Variants in CDKAL1 observed in about 807,000 individuals in gnomAD.
CDKAL1 encodes the protein threonylcarbamoyladenosine tRNA methylthiotransferase.
CDKAL1 carries 32 observed loss-of-function variants against 68.2 expected under a neutral mutation model. The ratio of observed to expected loss-of-function variants is 0.47; its 90% CI spans 0.35 to 0.63. The LOEUF (loss-of-function observed/expected upper bound fraction) is 0.63. Ranked by LOEUF, CDKAL1 falls within the 30% of genes least tolerant of loss-of-function variation. The pLI is 0.00. For synonymous variants in CDKAL1, 234 were observed against 244.3 expected (o/e 0.96, Z 0.39); for missense variants, 606 against 696.7 (o/e 0.87, Z 1.47).
chr6:20,544,964 T>TG (rs1175615415), intron 2 of CDKAL1, among the ~76,000 whole-genome samples: 6 of 97,344 alleles, frequency 6.2e-5, no homozygotes, highest in African/African-American at 4.1e-4. Context: ...GGATTACAGT[T>TG]TTGTGTGTGT....
intron 9 of CDKAL1, among the ~76,000 whole-genome samples, chr6:20,908,260 T>C (rs1438561169): frequency 1.3e-5 from 2 of 152,188 alleles, no homozygotes; most frequent in African/African-American, 2.4e-5. Flanking sequence ...TATTTTTCAC[T>C]AGAAGGTAAA....
intron 10 of CDKAL1, among the ~76,000 whole-genome samples, chr6:20,958,899 GA>G (rs1480300380): frequency 6.6e-6 from 1 of 151,064 alleles, no homozygotes; most frequent in African/African-American, 2.4e-5. Flanking sequence ...CAACTTAAAA[GA>G]AAAAAAACCA....
intron 8 of CDKAL1, among the ~76,000 whole-genome samples, chr6:20,841,114 C>T (rs1354715051): frequency 2.0e-5 from 3 of 152,222 alleles, no homozygotes; most frequent in Middle Eastern, 3.4e-3. Flanking sequence ...GGATCACAGG[C>T]GTGAGCCACC....
At chr6:20,923,559 C>G (rs563100793) in intron 9 of CDKAL1, among the ~76,000 whole-genome samples, 21 of 152,298 alleles carry the variant, frequency 1.4e-4, no homozygotes, top group African/African-American at 4.1e-4. Context: ...TGTGTTCTGA[C>G]TGTTCCCCCA....
chr6:20,791,691 T>C (rs1775905348), intron 8 of CDKAL1, among the ~76,000 whole-genome samples: 1 of 152,202 alleles, frequency 6.6e-6, no homozygotes. Context: ...CTATGTTGTA[T>C]TGTCAGATGA....
At chr6:20,997,029 C>T (rs555192289) in intron 10 of CDKAL1, among the ~76,000 whole-genome samples, 2 of 152,268 alleles carry the variant, frequency 1.3e-5, no homozygotes, top group African/African-American at 2.4e-5. Flanking sequence ...CACCTCTTTT[C>T]GTGTATGTTG....
intron 4 of CDKAL1, among the ~76,000 whole-genome samples, chr6:20,554,535 G>T (rs936434000): frequency 6.6e-6 from 1 of 152,182 alleles, no homozygotes; most frequent in Non-Finnish European, 1.5e-5. Flanking sequence ...TATGTGCTAT[G>T]ATGTTGCACA....
intron 4 of CDKAL1, among the ~76,000 whole-genome samples, chr6:20,648,403 C>T (rs34638218): frequency 6.6e-6 from 1 of 152,088 alleles, no homozygotes; most frequent in Non-Finnish European, 1.5e-5. Context: ...GCTGGGATTA[C>T]GGGAGTGAGC....
At chr6:21,045,134 C>G (rs1295805428) in intron 11 of CDKAL1, among the ~76,000 whole-genome samples, 1 of 152,188 alleles carries the variant, frequency 6.6e-6, no homozygotes, top group Non-Finnish European at 1.5e-5. Context: ...CACCATCATT[C>G]AAACCATAGC....
At chr6:20,602,567 T>C (rs1766150114) in intron 4 of CDKAL1, among the ~76,000 whole-genome samples, 1 of 152,212 alleles carries the variant, frequency 6.6e-6, no homozygotes, top group Non-Finnish European at 1.5e-5. Flanking sequence ...TTATCAACCA[T>C]CCTGAAAATG....
At chr6:21,137,531 T>C (rs930551302) in intron 13 of CDKAL1, among the ~76,000 whole-genome samples, 10 of 152,224 alleles carry the variant, frequency 6.6e-5, no homozygotes, top group African/African-American at 2.4e-4. Flanking sequence ...ATGTGAGATA[T>C]TTTTTATCTT....
intron 11 of CDKAL1, among the ~76,000 whole-genome samples, chr6:21,014,501 C>T (rs1768201976): frequency 6.6e-6 from 1 of 152,032 alleles, no homozygotes; most frequent in Non-Finnish European, 1.5e-5. Flanking sequence ...GTCCCGGCTA[C>T]TCAGGAGGCT....
rs145511370 is a variant in CDKAL1, at chr6:20,895,931, T to C, written c.742+49753T>C. 6.6e-4 allele frequency among the ~76,000 whole-genome samples: 101 copies of C among 152,204 alleles called. 1 individual carries two copies. The highest frequency in any genetic ancestry group is 9.6e-4 in the Non-Finnish European group (65 of 68,020). On this transcript the variant is annotated intron_variant, in intron 9 of 15. Coordinates refer to ENST00000274695, the MANE Select transcript of CDKAL1 (RefSeq NM_017774.3). ...TTATTTCTCTCTCTCCACTGCAGCCTCTGATATGCCACCACTTACATCTGG... is the reference window on the plus strand; with the variant it reads ...TTATTTCTCTCTCTCCACTGCAGCCCCTGATATGCCACCACTTACATCTGG...
chr6:20,741,779 A>G (rs1289188214), intron 6 of CDKAL1, among the ~76,000 whole-genome samples: 1 of 152,060 alleles, frequency 6.6e-6, no homozygotes, highest in African/African-American at 2.4e-5. Context: ...ATTCACATGC[A>G]TGTGTTTTTG....
chr6:21,117,161 T>A (rs1481923130), intron 13 of CDKAL1, among the ~76,000 whole-genome samples: 1 of 152,170 alleles, frequency 6.6e-6, no homozygotes, highest in Non-Finnish European at 1.5e-5. Context: ...TACCAACCTT[T>A]CTTATCCCCA....
intron 8 of CDKAL1, among the ~76,000 whole-genome samples, chr6:20,805,547 G>T (rs1776537766): frequency 6.6e-6 from 1 of 152,156 alleles, no homozygotes; most frequent in Admixed American, 6.6e-5. Flanking sequence ...AAATTAGATG[G>T]CAAAGCGTTG....
chr6:21,224,477 G>A (rs913674880), intron 15 of CDKAL1, among the ~76,000 whole-genome samples: 6 of 152,088 alleles, frequency 3.9e-5, no homozygotes, highest in African/African-American at 1.4e-4. Context: ...TTGCGCCACT[G>A]TACTCCAGCC....
chr6:20,584,856 T>G (rs115342525), intron 4 of CDKAL1, among the ~76,000 whole-genome samples: 3 of 152,260 alleles, frequency 2.0e-5, no homozygotes, highest in Non-Finnish European at 4.4e-5. Context: ...TCATGTAGAC[T>G]CTGAGGTCCC....
intron 9 of CDKAL1, among the ~76,000 whole-genome samples, chr6:20,862,657 G>GTT (rs1759698268): frequency 6.6e-6 from 1 of 150,680 alleles, no homozygotes; most frequent in South Asian, 2.1e-4. Flanking sequence ...GTGTGTGTGT[G>GTT]TGTGTGCGCG....
Sources: allele counts gnomAD v4.1 joint callset (sites outside exome capture counted in the v4.1 genomes callset), GRCh38; gene constraint gnomAD v4.1.1; transcripts MANE v1.5; gene names NCBI Gene and HGNC (gene_info 2026-07-23, HGNC 2026-07-21).